Variants in PCLO observed in about 807,000 individuals in gnomAD.
PCLO encodes the protein protein piccolo.
Under a neutral mutation model 427.5 loss-of-function variants are expected in PCLO, and 82 were observed. The ratio of observed to expected loss-of-function variants is 0.19; its 90% CI spans 0.16 to 0.23. The LOEUF is 0.23. Ranked by LOEUF, PCLO falls within the 10% of genes least tolerant of loss-of-function variation. The pLI is 1.00. For synonymous variants in PCLO, 2,357 were observed against 2,155.4 expected (o/e 1.09, Z -2.59); for missense variants, 6,239 against 6,115.9 (o/e 1.02, Z -0.67).
At chr7:82,970,597 A>C (rs894903463) in intron 3 of PCLO, among the ~76,000 whole-genome samples, 8 of 151,878 alleles carry the variant, frequency 5.3e-5, no homozygotes, top group Non-Finnish European at 1.2e-4. Context: ...GCAGCCCTAG[A>C]ACCAAAAATA....
At chr7:83,054,504 G>A (rs747425216) in intron 3 of PCLO, among the ~76,000 whole-genome samples, 10 of 152,056 alleles carry the variant, frequency 6.6e-5, no homozygotes, top group East Asian at 1.9e-4. Context: ...TTTTTTAGCC[G>A]TGAGAAGAAG....
chr7:83,155,378 T>C lies in PCLO; in HGVS notation c.1263A>G (p.Leu421=). 6.2e-7 allele frequency: 1 copy of C among 1,613,848 alleles called. No individual in the cohort carries two copies. The highest frequency in any genetic ancestry group is 1.3e-5 in the African/African-American group (1 of 75,016). Residue 421 remains leucine, a synonymous_variant, in exon 2 of 25, where the codon CTA becomes CTG. Coordinates refer to ENST00000333891, the MANE Select transcript of PCLO (RefSeq NM_033026.6). ...GAGACTGTAGCCCAGGTTGTTGAGC[T>C]AGGGGTTTTGGTGTCCCCACCTGCT... ...PTQQVGTPKP[L]AQQPGLQSPA...
chr7:83,151,767 C>T (rs1792136112), intron 2 of PCLO, among the ~76,000 whole-genome samples: 1 of 152,146 alleles, frequency 6.6e-6, no homozygotes, highest in Non-Finnish European at 1.5e-5. Context: ...CATAGGTAAA[C>T]TGATTTGGAA....
intron 2 of PCLO, among the ~76,000 whole-genome samples, chr7:83,151,863 T>G (rs1792138866): frequency 6.6e-6 from 1 of 152,198 alleles, no homozygotes; most frequent in Non-Finnish European, 1.5e-5. Context: ...TGAATGCCAG[T>G]TTCCTCATTG....
chr7:83,124,713 C>A (rs1213650132), intron 3 of PCLO, among the ~76,000 whole-genome samples: 1 of 151,484 alleles, frequency 6.6e-6, no homozygotes, highest in Non-Finnish European at 1.5e-5. Flanking sequence ...ATATGCTCTC[C>A]CTCTCCCTCT....
In PCLO at chr7:82,878,115, A is replaced by G. The variant is rs536660170; in HGVS notation, c.13654+1222T>C. Among the ~76,000 whole-genome samples the G allele has an allele frequency of 2.8e-4, 42 of 152,354 alleles. 1 individual carries two copies. The East Asian group carries it at 3.7e-3, about 13-fold the overall frequency. ...CTATTTCCACATTGTAAATGCTGCCACTATAGCCAATTCAAGCTATCATCA... is the reference window on the plus strand; with the variant it reads ...CTATTTCCACATTGTAAATGCTGCCGCTATAGCCAATTCAAGCTATCATCA... On this transcript the variant is annotated intron_variant, in intron 10 of 24. Transcript: ENST00000333891.
chr7:82,993,451 T>A (rs1246656766), intron 3 of PCLO, among the ~76,000 whole-genome samples: 1 of 152,020 alleles, frequency 6.6e-6, no homozygotes, highest in East Asian at 1.9e-4. Context: ...GCCCTGAATT[T>A]GAATTTTGGT....
At chr7:83,021,381 T>C (rs1788338087) in intron 3 of PCLO, among the ~76,000 whole-genome samples, 1 of 152,290 alleles carries the variant, frequency 6.6e-6, no homozygotes, top group African/African-American at 2.4e-5. Context: ...GAGTTCTGGA[T>C]CTAAATTCTG....
Position 83,136,052 on chromosome 7 carries a change from C to T in PCLO, c.1894-396G>A, listed in dbSNP as rs374501212. The stretch of plus-strand genomic sequence containing the variant: ...GGCTGAGGTTGCAGTGAGCCGAGAT[C>T]GCGCCATTGCACTCCAACCTGGGTG... On this transcript the variant is annotated intron_variant, in intron 2 of 24. Coordinates refer to ENST00000333891, the MANE Select transcript of PCLO (RefSeq NM_033026.6). 1.2e-4 allele frequency among the ~76,000 whole-genome samples: 18 copies of T among 151,748 alleles called. 1 individual carries two copies. The highest frequency in any genetic ancestry group is 4.6e-4 in the Admixed American group (7 of 15,264).
At chr7:82,980,747 T>A (rs936842318) in intron 3 of PCLO, among the ~76,000 whole-genome samples, 1 of 151,986 alleles carries the variant, frequency 6.6e-6, no homozygotes, top group Non-Finnish European at 1.5e-5. Flanking sequence ...GCAGCAGAAC[T>A]GAATGAGGGA....
At chr7:82,946,579 A>G (rs561067101) in intron 6 of PCLO, among the ~76,000 whole-genome samples, 1 of 152,236 alleles carries the variant, frequency 6.6e-6, no homozygotes, top group East Asian at 1.9e-4. Context: ...CAGCATACGT[A>G]TATCTGGGGA....
chr7:82,954,134 G>A lies in PCLO; in HGVS notation c.6819C>T (p.Ile2273=). Residue 2273 remains isoleucine, a synonymous_variant, in exon 5 of 25, where the codon ATC becomes ATT. Transcript: ENST00000333891. ...CAGGTTTAGGTACTACAGATTCTAT[G>A]ATAGAAGATGCCATATCAGATAAGG... is the stretch of plus-strand genomic sequence containing the variant. ...VISLSDMASS[I]IESVVPKPEG... is the part of the protein sequence containing the mutation. The A allele has an allele frequency of 6.2e-7, 1 of 1,613,884 alleles. No homozygotes were observed. Among genetic ancestry groups the A allele is most frequent in the Non-Finnish European group, 8.5e-7 (1 of 1,179,848 alleles).
chr7:82,781,935 T>C (rs911995785), intron 22 of PCLO, among the ~76,000 whole-genome samples: 8 of 152,168 alleles, frequency 5.3e-5, no homozygotes, highest in Non-Finnish European at 7.4e-5. Context: ...CCTTCCCCCA[T>C]ACCTTGCCCT....
chr7:82,939,116 G>A (rs1795022054), intron 6 of PCLO, among the ~76,000 whole-genome samples: 1 of 152,050 alleles, frequency 6.6e-6, no homozygotes, highest in Non-Finnish European at 1.5e-5. Flanking sequence ...ACAGACTGTA[G>A]TGATTCTAAT....
At chr7:82,760,886 A>G (rs558422015) in intron 23 of PCLO, 102 bp from the exon 24 acceptor site, 1 of 500,864 alleles carries the variant, frequency 2.0e-6, no homozygotes, top group African/African-American at 2.0e-5. Context: ...TTTTGCACAA[A>G]GCCAGCAGAT....
In PCLO at chr7:83,046,221, A is replaced by G. The variant is rs188539104; in HGVS notation, c.3301-79734T>C. ...GTCACATTCTGAGGCACTGAGGGTCAGAGATAACACATATAAATTTTGGGA... is the reference window on the plus strand; with the variant it reads ...GTCACATTCTGAGGCACTGAGGGTCGGAGATAACACATATAAATTTTGGGA... On this transcript the variant is annotated intron_variant, in intron 3 of 24. Coordinates refer to ENST00000333891, the MANE Select transcript of PCLO (RefSeq NM_033026.6). Among the ~76,000 whole-genome samples, 4 of 152,202 alleles carry G rather than the reference A, an allele frequency of 2.6e-5. No individual in the cohort carries two copies. The East Asian group carries it at 7.7e-4, about 29-fold the overall frequency.
chr7:82,785,795 A>G (rs1336204411), intron 22 of PCLO, among the ~76,000 whole-genome samples: 3 of 152,144 alleles, frequency 2.0e-5, no homozygotes, highest in Non-Finnish European at 4.4e-5. Flanking sequence ...AGCAGGAGCA[A>G]ACTTAACAAG....
chr7:83,093,492 A>ATATATATTT, intron 3 of PCLO, among the ~76,000 whole-genome samples: 1 of 59,310 alleles, frequency 1.7e-5, no homozygotes, highest in Non-Finnish European at 3.3e-5. Flanking sequence ...ATATATATAT[A>ATATATATTT]TTTTTTTTTT....
chr7:82,979,319 G>A (rs928215038), intron 3 of PCLO, among the ~76,000 whole-genome samples: 23 of 152,144 alleles, frequency 1.5e-4, no homozygotes, highest in African/African-American at 4.1e-4. Context: ...TTCTGATGTC[G>A]TTAAATTTGA....
Sources: allele counts gnomAD v4.1 joint callset (sites outside exome capture counted in the v4.1 genomes callset), GRCh38; gene constraint gnomAD v4.1.1; transcripts MANE v1.5; gene names NCBI Gene and HGNC (gene_info 2026-07-23, HGNC 2026-07-21).